Variants in CCNP observed in about 807,000 individuals in gnomAD.
The protein encoded by CCNP is cyclin P, also known as cyclin-P.
In CCNP, 18 loss-of-function variants were observed where a neutral mutation model predicts 19.6. The ratio of observed to expected loss-of-function variants is 0.92; its 90% CI spans 0.64 to 1.36. The LOEUF (loss-of-function observed/expected upper bound fraction) is 1.36, where lower values mean the gene tolerates loss of function less well. CCNP is among the 40% of genes most tolerant of loss of function. CCNP has a pLI of 0.00. For synonymous variants in CCNP, 228 were observed against 194.9 expected (o/e 1.17, Z -1.41); for missense variants, 440 against 424.4 (o/e 1.04, Z -0.32).
chr19:40,225,273 G>A (rs1252347733), intron 1 of CCNP, among the ~76,000 whole-genome samples: 2 of 151,878 alleles, frequency 1.3e-5, no homozygotes, highest in African/African-American at 4.8e-5. Context: ...TGACCAGACT[G>A]GTCTTGAACT....
In CCNP at chr19:40,226,567, G is replaced by A. The variant is rs1362264103; in HGVS notation, c.75C>T (p.Pro25=). 6.3e-7 allele frequency: 1 copy of A among 1,576,784 alleles called. No individual in the cohort carries two copies. Among genetic ancestry groups the A allele is most frequent in the Non-Finnish European group, 8.6e-7 (1 of 1,163,800 alleles). The change falls in exon 1 of 5, where the codon CCC becomes CCT. Residue 25 remains proline, a synonymous_variant. Transcript: ENST00000430325. ...GPIVRRWAPR[P]SPLQSLAASL... ...AGGCAGCGAGACTCTGCAAAGGAGA[G>A]GGCCTGGGGGCCCAGCGCCTAACGA...
At chr19:40,223,739 C>T (rs1314134844) in intron 3 of CCNP, 193 bp from the exon 4 acceptor site, 3 of 714,356 alleles carry the variant, frequency 4.2e-6, no homozygotes, top group Non-Finnish European at 4.9e-6. Flanking sequence ...GAGTTCAAAC[C>T]CCATCATCTG....
chr19:40,223,002 C>T lies in CCNP; in HGVS notation c.*50G>A, dbSNP rs768819302. On this transcript the variant is annotated 3_prime_UTR_variant, in exon 5 of 5. Transcript: ENST00000430325. ...ATCTGGACTAATGGGGTCCTCCCAC[C>T]CCATTCTCTCCCACACCCAGAAAAA... 1.3e-5 allele frequency: 14 copies of T among 1,102,500 alleles called. No homozygotes were observed. The South Asian group carries it at 2.1e-4, about 17-fold the overall frequency. The allele number at this position is 1,102,500 out of a possible 1,614,324, so 68.3% of individuals were successfully genotyped here.
rs571702329 is a variant in CCNP, at chr19:40,222,261, G to T, written c.*791C>A. On this transcript the variant is annotated 3_prime_UTR_variant, in exon 5 of 5. Transcript: ENST00000430325. ...ATGAGAGACGGACACACACTGGGAG[G>T]GTTTTGTTTTTTGTTGTTGATTTTT... 1 of 398,688 alleles carries T rather than the reference G, an allele frequency of 2.5e-6. No individual in the cohort carries two copies. The highest frequency in any genetic ancestry group is 4.4e-6 in the Non-Finnish European group (1 of 225,948). The allele number at this position is 398,688 out of a possible 1,614,324, so 24.7% of individuals were successfully genotyped here. A position where few individuals can be genotyped will look rare whatever the true frequency, so the allele number is the denominator to read the frequency against.
chr19:40,224,026 C>G (rs979074179), intron 3 of CCNP, among the ~76,000 whole-genome samples: 1 of 152,020 alleles, frequency 6.6e-6, no homozygotes, highest in Admixed American at 6.5e-5. Flanking sequence ...GCGATCTCAC[C>G]TCACAGCAAC....
rs529720256 is a variant in CCNP, at chr19:40,223,305, T to A, written c.673-2A>T. 2.6e-4 allele frequency: 389 copies of A among 1,515,412 alleles called. No homozygotes were observed. The highest frequency in any genetic ancestry group is 3.0e-4 in the Admixed American group (14 of 46,162). The allele number at this position is 1,515,412 out of a possible 1,614,324, so 93.9% of individuals were successfully genotyped here. Reference sequence around the variant, plus strand: ...GAAGTAGGTGGCAAGTAACATCACCTGCAAGTGAGGCGGGGCGACTGTCAG... The same window carrying A: ...GAAGTAGGTGGCAAGTAACATCACCAGCAAGTGAGGCGGGGCGACTGTCAG... On this transcript the variant is annotated splice_acceptor_variant, in intron 4 of 4. Transcript: ENST00000430325. LOFTEE classifies it high-confidence loss of function.
At chr19:40,225,392 C>T (rs1370065254) in intron 1 of CCNP, among the ~76,000 whole-genome samples, 6 of 152,146 alleles carry the variant, frequency 3.9e-5, no homozygotes, top group Admixed American at 3.9e-4. Context: ...AATCCTCAAC[C>T]CCTCTGCCTC....
rs756655353 is a variant in CCNP, at chr19:40,224,519, G to A, written c.482C>T (p.Ala161Val). The change falls in exon 3 of 5, where the codon GCG becomes GTG. Residue 161 changes from alanine (A) to valine (V), a missense_variant. Ala to Val is a moderately conservative substitution (Grantham distance 64). Transcript: ENST00000430325. Reference protein sequence around the residue: ...QLLGVACLFVACKMEECVLPE... With the variant: ...QLLGVACLFVVCKMEECVLPE... ...AAGCACGCACTCTTCCATTTTGCAC[G>A]CCACAAACAGGCAAGCCACGCCCAG... 8 of 1,614,102 alleles carry A rather than the reference G, an allele frequency of 5.0e-6. No homozygotes were observed. In the South Asian group the frequency reaches 5.5e-5, roughly 11 times the overall value.
chr19:40,226,356 A>C lies in CCNP; in HGVS notation c.267+19T>G. Reference sequence around the variant, plus strand: ...GGGCCGGCGTCGCCCTCACCAGGGCAGGCGGCGGGTAGGCTCACCATGACT... The same window carrying C: ...GGGCCGGCGTCGCCCTCACCAGGGCCGGCGGCGGGTAGGCTCACCATGACT... On this transcript the variant is annotated intron_variant, in intron 1 of 4. Coordinates refer to ENST00000430325, the MANE Select transcript of CCNP (RefSeq NM_024877.4). 1 of 1,601,844 alleles carries C rather than the reference A, an allele frequency of 6.2e-7. No homozygotes were observed. The highest frequency in any genetic ancestry group is 8.5e-7 in the Non-Finnish European group (1 of 1,178,050).
At chr19:40,224,839 C>G in intron 1 of CCNP, 28 bp from the exon 2 acceptor site, 2 of 1,531,862 alleles carry the variant, frequency 1.3e-6, no homozygotes, top group Admixed American at 2.0e-5. Context: ...ACGCTTCACT[C>G]TCCACACCTG....
At chr19:40,223,331 G>A in intron 4 of CCNP, 28 bp from the exon 5 acceptor site, 2 of 1,499,184 alleles carry the variant, frequency 1.3e-6, no homozygotes, top group Non-Finnish European at 1.8e-6. Context: ...CGACTGTCAG[G>A]CCACGCCCCA....
chr19:40,225,667 C>T (rs913823272), intron 1 of CCNP, among the ~76,000 whole-genome samples: 2 of 152,354 alleles, frequency 1.3e-5, no homozygotes, highest in Non-Finnish European at 2.9e-5. Context: ...CTTCCCCAGC[C>T]CCTTACTCGA....
At chr19:40,224,691 C>T in intron 2 of CCNP, 31 bp downstream of exon 2, 2 of 1,609,102 alleles carry the variant, frequency 1.2e-6, no homozygotes, top group Non-Finnish European at 1.7e-6. Flanking sequence ...GCGACGCAAA[C>T]TCAGCCCCCC....
rs949005505 is a variant in CCNP, at chr19:40,223,479, C to A, written c.581G>T (p.Arg194Leu). Residue 194 changes from arginine (R) to leucine (L), a missense_variant, in exon 4 of 5, where the codon CGC becomes CTC. Physicochemically the swap from Arg to Leu is moderately radical, Grantham distance 102. Coordinates refer to ENST00000430325, the MANE Select transcript of CCNP (RefSeq NM_024877.4). ...CCGGAAATCCAGGCGGCTCAGGATG[C>A]GACGCTCGGCGCGCAGCAGCTCCGC... ...SRAELLRAER[R>L]ILSRLDFRLH... 6 of 1,610,598 alleles carry A rather than the reference C, an allele frequency of 3.7e-6. No individual in the cohort carries two copies. In the Middle Eastern group the frequency reaches 5.0e-4, roughly 135 times the overall value.
rs1357629295 is a variant in CCNP, at chr19:40,223,554, T to C, written c.514-8A>G. 3.1e-6 allele frequency: 5 copies of C among 1,598,408 alleles called. No homozygotes were observed. In the South Asian group the frequency reaches 5.6e-5, roughly 18 times the overall value. ...GAGGCAGAGGAAGGCGGGCTGCAGA[T>C]GGGGGATGCGGGGGGAGGTGAAGGA... is the stretch of plus-strand genomic sequence containing the variant. On this transcript the variant is annotated splice_polypyrimidine_tract_variant and splice_region_variant and intron_variant, in intron 3 of 4. Coordinates refer to ENST00000430325, the MANE Select transcript of CCNP (RefSeq NM_024877.4).
chr19:40,224,766 G>C lies in CCNP; in HGVS notation c.313C>G (p.Pro105Ala), dbSNP rs1228500281. The change falls in exon 2 of 5, where the codon CCG becomes GCG. Residue 105 changes from proline to alanine, a missense_variant. Physicochemically the swap from Pro to Ala is conservative, Grantham distance 27. Coordinates refer to ENST00000430325, the MANE Select transcript of CCNP (RefSeq NM_024877.4). ...TCTACCACCAGGGCGCGCATCTCCGGGGTCACAGCGCGGGGCAGGGCTCTC... is the reference window on the plus strand; with the variant it reads ...TCTACCACCAGGGCGCGCATCTCCGCGGTCACAGCGCGGGGCAGGGCTCTC... ...PLRALPRAVT[P>A]EMRALVVDWL... The C allele has an allele frequency of 6.4e-7, 1 of 1,560,754 alleles. No individual in the cohort carries two copies. Among genetic ancestry groups the C allele is most frequent in the East Asian group, 2.4e-5 (1 of 41,232 alleles).
At chr19:40,223,348 G>T (rs1013130085) in intron 4 of CCNP, 40 bp downstream of exon 4, 6 of 1,488,934 alleles carry the variant, frequency 4.0e-6, no homozygotes, top group Non-Finnish European at 4.5e-6. Flanking sequence ...CCCACTTCGC[G>T]CCGGCCACGC....
intron 3 of CCNP, 42 bp downstream of exon 3, chr19:40,224,446 A>C: frequency 6.2e-7 from 1 of 1,604,888 alleles, no homozygotes; most frequent in East Asian, 2.2e-5. Flanking sequence ...GTTACTCCCC[A>C]AAGGACTCCA....
intron 3 of CCNP, among the ~76,000 whole-genome samples, chr19:40,224,102 G>A (rs942719830): frequency 7.9e-5 from 12 of 151,994 alleles, no homozygotes; most frequent in Admixed American, 7.2e-4. Context: ...CTACAGGCGT[G>A]CACCACCACA....
Sources: gnomAD v4.1 joint callset for allele counts (sites outside exome capture counted in the v4.1 genomes callset) on GRCh38, gnomAD v4.1.1 for gene constraint, MANE v1.5 for transcripts, NCBI Gene and HGNC (gene_info 2026-07-23, HGNC 2026-07-21) for gene names.